The following WWOX variants were observed in gnomAD, a reference collection of about 807,000 sequenced individuals.
WWOX encodes WW domain containing oxidoreductase.
WWOX carries 69 observed loss-of-function variants against 46.2 expected under a neutral mutation model. The observed-to-expected ratio is 1.49, with a 90% CI of 1.23 to 1.82. The LOEUF (loss-of-function observed/expected upper bound fraction) is 1.82. Ranked by LOEUF, WWOX falls within the 40% of genes most tolerant of loss-of-function variation. WWOX has a pLI of 0.00. For synonymous variants in WWOX, 359 were observed against 202.6 expected (o/e 1.77, Z -6.56); for missense variants, 919 against 542.6 (o/e 1.69, Z -6.89).
chr16:78,401,217 T>A (rs555846591), intron 6 of WWOX, among the ~76,000 whole-genome samples: 1 of 151,750 alleles, frequency 6.6e-6, no homozygotes, highest in South Asian at 2.1e-4. Context: ...TGCAAGATAT[T>A]TTTTCTAATA....
chr16:78,354,956 G>C (rs1484396116), intron 5 of WWOX, among the ~76,000 whole-genome samples: 1 of 152,064 alleles, frequency 6.6e-6, no homozygotes, highest in Non-Finnish European at 1.5e-5. Flanking sequence ...ACATGGTGAA[G>C]CTCTGTCTAT....
At chr16:78,902,438 G>A (rs2044853497) in intron 8 of WWOX, among the ~76,000 whole-genome samples, 1 of 152,238 alleles carries the variant, frequency 6.6e-6, no homozygotes, top group Non-Finnish European at 1.5e-5. Flanking sequence ...CGCGGGGCGG[G>A]CGGGAGAGGC....
intron 8 of WWOX, among the ~76,000 whole-genome samples, chr16:78,768,789 G>A (rs1254125282): frequency 1.3e-5 from 2 of 152,046 alleles, no homozygotes; most frequent in Non-Finnish European, 2.9e-5. Flanking sequence ...TCTTTTTGTG[G>A]AACGAGAAAG....
At chr16:78,848,346 G>C (rs998279473) in intron 8 of WWOX, among the ~76,000 whole-genome samples, 1 of 152,176 alleles carries the variant, frequency 6.6e-6, no homozygotes, top group Non-Finnish European at 1.5e-5. Context: ...TTCCCAGACA[G>C]TCTAACTAAA....
intron 8 of WWOX, among the ~76,000 whole-genome samples, chr16:78,594,303 T>G (rs1256618265): frequency 4.0e-5 from 6 of 151,582 alleles, no homozygotes. Flanking sequence ...CCGTAGACTG[T>G]TTTTTTTGTT....
At chr16:78,793,826 A>T (rs988592582) in intron 8 of WWOX, among the ~76,000 whole-genome samples, 1 of 152,162 alleles carries the variant, frequency 6.6e-6, no homozygotes, top group African/African-American at 2.4e-5. Flanking sequence ...CTGTAATCCC[A>T]GCACGTTGGG....
At chr16:78,920,191 C>T (rs893117007) in intron 8 of WWOX, among the ~76,000 whole-genome samples, 2 of 152,154 alleles carry the variant, frequency 1.3e-5, no homozygotes, top group African/African-American at 4.8e-5. Context: ...CACAGCTTCT[C>T]TCTAGGACTC....
chr16:79,030,353 T>A (rs2047728561), intron 8 of WWOX, among the ~76,000 whole-genome samples: 1 of 152,244 alleles, frequency 6.6e-6, no homozygotes, highest in Non-Finnish European at 1.5e-5. Flanking sequence ...CAAATTTAGT[T>A]GCTGCATTTT....
chr16:78,803,328 C>G (rs938870364), intron 8 of WWOX, among the ~76,000 whole-genome samples: 1 of 151,748 alleles, frequency 6.6e-6, no homozygotes, highest in African/African-American at 2.4e-5. Context: ...GCCAGAAAGT[C>G]TATAGTCAAA....
At chr16:79,019,252 A>T (rs527838907) in intron 8 of WWOX, among the ~76,000 whole-genome samples, 1 of 148,952 alleles carries the variant, frequency 6.7e-6, no homozygotes, top group Admixed American at 6.7e-5. Context: ...TGCAATTCTG[A>T]GAAATGCATG....
chr16:78,276,717 C>A lies in WWOX; in HGVS notation c.517-110143C>A, dbSNP rs191175384. ...GTGCTTTAAGATTGTAAAATTTTAG[C>A]CCATTAAAAATAAAATCTGTTGCTT... On this transcript the variant is annotated intron_variant, in intron 5 of 8. Coordinates refer to ENST00000566780, the MANE Select transcript of WWOX (RefSeq NM_016373.4). Among the ~76,000 whole-genome samples, 389 of 152,254 alleles carry A rather than the reference C, an allele frequency of 2.6e-3. 1 individual carries two copies. The highest frequency in any genetic ancestry group is 9.2e-3 in the African/African-American group (381 of 41,542).
intron 1 of WWOX, among the ~76,000 whole-genome samples, chr16:78,102,745 C>G (rs1011166545): frequency 3.3e-5 from 5 of 152,194 alleles, no homozygotes; most frequent in Non-Finnish European, 7.3e-5. Flanking sequence ...CCCTGTCTCC[C>G]TTGCCCAGGT....
chr16:78,893,015 T>A (rs533121461), intron 8 of WWOX, among the ~76,000 whole-genome samples: 162 of 152,266 alleles, frequency 1.1e-3, no homozygotes, highest in Non-Finnish European at 1.9e-3. Flanking sequence ...AAGCCCAGCT[T>A]CTCTGGTAGC....
At chr16:78,496,203 C>T (rs1198198058) in intron 8 of WWOX, 1 of 152,180 alleles carries the variant, frequency 6.6e-6, no homozygotes, top group Non-Finnish European at 1.5e-5. Flanking sequence ...CTCCTGACTA[C>T]TTGAAACACG....
At chr16:78,140,130 C>T (rs1250058926) in intron 4 of WWOX, among the ~76,000 whole-genome samples, 1 of 152,134 alleles carries the variant, frequency 6.6e-6, no homozygotes. Context: ...GCATTTGTGT[C>T]AAGTTGGTTG....
intron 5 of WWOX, among the ~76,000 whole-genome samples, chr16:78,281,242 C>G (rs2079673405): frequency 6.6e-6 from 1 of 152,178 alleles, no homozygotes; most frequent in East Asian, 1.9e-4. Context: ...GAAGACAGCG[C>G]CAAGCCATGA....
At chr16:78,678,067 T>G (rs1222799117) in intron 8 of WWOX, among the ~76,000 whole-genome samples, 2 of 152,370 alleles carry the variant, frequency 1.3e-5, no homozygotes, top group South Asian at 4.1e-4. Flanking sequence ...TTTCTCTGTT[T>G]AATCTGTCTA....
intron 8 of WWOX, among the ~76,000 whole-genome samples, chr16:78,627,646 C>T (rs1370207850): frequency 6.6e-6 from 1 of 152,136 alleles, no homozygotes; most frequent in Non-Finnish European, 1.5e-5. Context: ...TGAATGTGGA[C>T]TGGGGAGAGA....
intron 8 of WWOX, among the ~76,000 whole-genome samples, chr16:78,459,869 A>G (rs564026590): frequency 3.4e-4 from 51 of 151,632 alleles, no homozygotes; most frequent in Non-Finnish European, 6.3e-4. Flanking sequence ...CAGTGGTGCA[A>G]TCATGGCTCA....
Sources: gnomAD v4.1 joint callset for allele counts (sites outside exome capture counted in the v4.1 genomes callset) on GRCh38, gnomAD v4.1.1 for gene constraint, MANE v1.5 for transcripts, NCBI Gene and HGNC (gene_info 2026-07-23, HGNC 2026-07-21) for gene names.